Variants in DPPA4 observed in about 807,000 individuals in gnomAD.
DPPA4 encodes developmental pluripotency-associated protein 4.
DPPA4 carries 22 observed loss-of-function variants against 33.7 expected under a neutral mutation model. The ratio of observed to expected loss-of-function variants is 0.65; its 90% CI spans 0.47 to 0.93. The LOEUF is 0.93. Ranked by LOEUF, DPPA4 falls within the 40% of genes least tolerant of loss-of-function variation. DPPA4 has a pLI of 0.00. For missense variants in DPPA4, 340 were observed against 358.6 expected (o/e 0.95, Z 0.42); for synonymous variants, 156 against 132.3 (o/e 1.18, Z -1.23).
intron 5 of DPPA4, 186 bp downstream of exon 5, chr3:109,330,338 A>G: frequency 1.8e-6 from 1 of 563,374 alleles, no homozygotes; most frequent in Non-Finnish European, 3.1e-6. Context: ...AAAAGGAAAA[A>G]AAAAAAAGAA....
intron 5 of DPPA4, 33 bp from the exon 6 acceptor site, chr3:109,329,121 G>T (rs73850914): frequency 6.3e-7 from 1 of 1,593,736 alleles, no homozygotes; most frequent in East Asian, 2.2e-5. Context: ...ACAGGTACCC[G>T]CACACCAGGA....
chr3:109,332,118 T>A, intron 2 of DPPA4, 87 bp from the exon 3 acceptor site: 1 of 1,305,106 alleles, frequency 7.7e-7, no homozygotes, highest in Non-Finnish European at 1.1e-6. Flanking sequence ...TTTTTTCTTT[T>A]TTGAGACAGA....
chr3:109,339,040 A>G (rs1708263174), upstream of DPPA4, among the ~76,000 whole-genome samples: 1 of 151,706 alleles, frequency 6.6e-6, no homozygotes, highest in African/African-American at 2.4e-5. Flanking sequence ...CTAAAAATGC[A>G]AAAATTAGCC....
In DPPA4 at chr3:109,326,297, T is replaced by C. The variant is rs1707932611; in HGVS notation, c.*1691A>G. 1 of 151,856 alleles carries C rather than the reference T, an allele frequency of 6.6e-6. No individual in the cohort carries two copies. The highest frequency in any genetic ancestry group is 2.4e-5 in the African/African-American group (1 of 41,294). The allele number at this position is 151,856 out of a possible 1,614,324, so 9.4% of individuals were successfully genotyped here. A position where few individuals can be genotyped will look rare whatever the true frequency, so the allele number is the denominator to read the frequency against. On this transcript the variant is annotated 3_prime_UTR_variant, in exon 7 of 7. Coordinates refer to ENST00000335658, the MANE Select transcript of DPPA4 (RefSeq NM_018189.4). ...GGAAACAGAACAGAAACTTGACCCA[T>C]CCAAATAAAGCAGGGGAGAAGTTTA... is the stretch of plus-strand genomic sequence containing the variant.
Position 109,330,893 on chromosome 3 carries a change from T to G in DPPA4, c.391-81A>C. 2 of 1,231,096 alleles carry G rather than the reference T, an allele frequency of 1.6e-6. 1 individual carries two copies. Among genetic ancestry groups the G allele is most frequent in the South Asian group, 3.1e-5 (2 of 63,770 alleles). The allele number at this position is 1,231,096 out of a possible 1,614,324, so 76.3% of individuals were successfully genotyped here. A position where few individuals can be genotyped will look rare whatever the true frequency, so the allele number is the denominator to read the frequency against. On this transcript the variant is annotated intron_variant, in intron 4 of 6. Transcript: ENST00000335658. ...ATGGCCTAAGGAGCTCTTGATCAAA[T>G]ACAAAGTTTCACTTAGGAGGACTAG...
Position 109,327,950 on chromosome 3 carries a change from C to A in DPPA4, c.*38G>T, listed in dbSNP as rs772408275. 7 of 1,453,844 alleles carry A rather than the reference C, an allele frequency of 4.8e-6. No individual in the cohort carries two copies. Among genetic ancestry groups the A allele is most frequent in the Non-Finnish European group, 3.9e-6 (4 of 1,037,422 alleles). The allele number at this position is 1,453,844 out of a possible 1,614,324, so 90.1% of individuals were successfully genotyped here. On this transcript the variant is annotated 3_prime_UTR_variant, in exon 7 of 7. Transcript: ENST00000335658. ...AGAATCCAACTCTCCAGCTTTTCTGCCATTAATTACCATAGATGTGGCCTT... is the reference window on the plus strand; with the variant it reads ...AGAATCCAACTCTCCAGCTTTTCTGACATTAATTACCATAGATGTGGCCTT...
chr3:109,333,987 A>C lies in DPPA4; in HGVS notation c.61T>G (p.Ser21Ala). Reference protein sequence around the residue: ...MEKAKGKEWTSTEKSREEDQQ... With the variant: ...MEKAKGKEWTATEKSREEDQQ... ...TCCTCTTCCCTCGACTTCTCTGTGG[A>C]GGTCCACTGGGGAACAGAGGAGCTG... is the stretch of plus-strand genomic sequence containing the variant. The change falls in exon 2 of 7, where the codon TCC becomes GCC. Residue 21 changes from serine (S) to alanine (A), a missense_variant. Ser to Ala is a moderately conservative substitution (Grantham distance 99). Transcript: ENST00000335658. 2 of 1,614,028 alleles carry C rather than the reference A, an allele frequency of 1.2e-6. No individual in the cohort carries two copies. The highest frequency in any genetic ancestry group is 1.7e-6 in the Non-Finnish European group (2 of 1,179,986).
In DPPA4 at chr3:109,326,429, G is replaced by A. The variant is rs1289986960; in HGVS notation, c.*1559C>T. On this transcript the variant is annotated 3_prime_UTR_variant, in exon 7 of 7. Coordinates refer to ENST00000335658, the MANE Select transcript of DPPA4 (RefSeq NM_018189.4). ...ACCAACGGCGGGGGCGGGCAGGAGAGAAGAACATCTTGCTTCTCAACAAAC... is the reference window on the plus strand; with the variant it reads ...ACCAACGGCGGGGGCGGGCAGGAGAAAAGAACATCTTGCTTCTCAACAAAC... The A allele has an allele frequency of 1.3e-5, 2 of 150,990 alleles. No homozygotes were observed. Among genetic ancestry groups the A allele is most frequent in the South Asian group, 2.1e-4 (1 of 4,804 alleles). The allele number at this position is 150,990 out of a possible 1,614,324, so 9.4% of individuals were successfully genotyped here.
rs973378711 is a variant in DPPA4 at position 109,332,143 on chromosome 3, C to A, written c.179-112G>T. The A allele has an allele frequency of 1.1e-5, 11 of 1,010,292 alleles. No homozygotes were observed. The Admixed American group carries it at 2.3e-4, about 21-fold the overall frequency. 62.6% of individuals were successfully genotyped at this position (1,010,292 alleles called of 1,614,324 possible). ...TTTGAGACAGAATCTTGCTCTGTCGCCCGGCTGGAGTGCAGTGGCGCGATC... is the reference window on the plus strand; with the variant it reads ...TTTGAGACAGAATCTTGCTCTGTCGACCGGCTGGAGTGCAGTGGCGCGATC... On this transcript the variant is annotated intron_variant, in intron 2 of 6. Coordinates refer to ENST00000335658, the MANE Select transcript of DPPA4 (RefSeq NM_018189.4).
intron 1 of DPPA4, among the ~76,000 whole-genome samples, chr3:109,335,134 CCTCA>C (rs1708164860): frequency 1.3e-5 from 2 of 152,230 alleles, no homozygotes; most frequent in South Asian, 2.1e-4. Context: ...TTGATATGCT[CCTCA>C]CTTTCATTTT....
intron 1 of DPPA4, among the ~76,000 whole-genome samples, chr3:109,337,209 T>A (rs1051389892): frequency 1.3e-5 from 2 of 151,554 alleles, no homozygotes; most frequent in Non-Finnish European, 2.9e-5. Flanking sequence ...CTCTTTTTTT[T>A]TTTTCCCCAT....
intron 4 of DPPA4, among the ~76,000 whole-genome samples, chr3:109,331,428 G>T (rs1354064112): frequency 6.7e-6 from 1 of 150,200 alleles, no homozygotes. Flanking sequence ...CCTGTAATCC[G>T]AGCTACTCTG....
At chr3:109,331,275 A>G (rs1376587190) in intron 4 of DPPA4, among the ~76,000 whole-genome samples, 29 of 148,126 alleles carry the variant, frequency 2.0e-4, no homozygotes, top group African/African-American at 6.2e-4. Context: ...AAAAAAAAAA[A>G]AAAAAAAAAG....
intron 5 of DPPA4, chr3:109,330,040 G>A (rs1330379498): frequency 2.2e-5 from 4 of 180,962 alleles, no homozygotes; most frequent in Non-Finnish European, 4.7e-5. Flanking sequence ...GGTGGCTCAC[G>A]CCTGTAATCC....
chr3:109,329,840 T>C (rs1708021784), intron 5 of DPPA4: 1 of 152,434 alleles, frequency 6.6e-6, no homozygotes, highest in South Asian at 2.1e-4. Flanking sequence ...TGGGGCTCAG[T>C]TGCAGGCAAT....
In DPPA4 at chr3:109,327,938, C is replaced by T; in HGVS notation, c.*50G>A. On this transcript the variant is annotated 3_prime_UTR_variant, in exon 7 of 7. Transcript: ENST00000335658. ...CAGCAGCACCGCAGAATCCAACTCT[C>T]CAGCTTTTCTGCCATTAATTACCAT... 1 of 1,354,312 alleles carries T rather than the reference C, an allele frequency of 7.4e-7. No individual in the cohort carries two copies. The highest frequency in any genetic ancestry group is 1.1e-6 in the Non-Finnish European group (1 of 947,468). 83.9% of individuals were successfully genotyped at this position (1,354,312 alleles called of 1,614,324 possible). A position where few individuals can be genotyped will look rare whatever the true frequency, so the allele number is the denominator to read the frequency against.
intron 4 of DPPA4, among the ~76,000 whole-genome samples, chr3:109,331,234 C>T (rs375450662): frequency 9.1e-6 from 1 of 110,440 alleles, no homozygotes; most frequent in African/African-American, 3.5e-5. Context: ...GAACTGCAGC[C>T]TAAGTGACAG....
chr3:109,328,849 G>T lies in DPPA4; in HGVS notation c.878+41C>A, dbSNP rs183568386. 1,204 of 1,555,540 alleles carry T rather than the reference G, an allele frequency of 7.7e-4. 12 individuals carry two copies. The highest frequency in any genetic ancestry group is 8.2e-5 in the Non-Finnish European group (94 of 1,141,110). ...CTTAACTTTCTGCAATTGAAAATCC[G>T]GCACCCACTTTTAGTTTGTAGAAAA... On this transcript the variant is annotated intron_variant, in intron 6 of 6. Coordinates refer to ENST00000335658, the MANE Select transcript of DPPA4 (RefSeq NM_018189.4).
chr3:109,337,331 TAAAAA>T (rs533418571), intron 1 of DPPA4, 128 bp downstream of exon 1: 7 of 612,770 alleles, frequency 1.1e-5, no homozygotes, highest in Admixed American at 6.2e-5. Context: ...ACTCTTAAAA[TAAAAA>T]AAAAAAAAGT....
Sources: allele counts gnomAD v4.1 joint callset (sites outside exome capture counted in the v4.1 genomes callset), GRCh38; gene constraint gnomAD v4.1.1; transcripts MANE v1.5; gene names NCBI Gene and HGNC (gene_info 2026-07-23, HGNC 2026-07-21).